The following TANGO2 variants were observed in gnomAD, a reference collection of about 807,000 sequenced individuals.
TANGO2 encodes the protein transport and Golgi organization protein 2 homolog.
A neutral mutation model predicts 39.1 loss-of-function variants in TANGO2; 26 were observed. That is an observed-to-expected ratio of 0.67 (90% confidence interval 0.49 to 0.92). The LOEUF (loss-of-function observed/expected upper bound fraction) is 0.92, where lower values mean the gene tolerates loss of function less well. Among genes scored for constraint, TANGO2 ranks in the 40% least tolerant of loss-of-function variants. TANGO2 has a pLI of 0.00. For missense variants in TANGO2, 326 were observed against 360.1 expected, an observed-to-expected ratio of 0.91 and a Z score of 0.77; for synonymous variants, 131 against 144.5, an observed-to-expected ratio of 0.91 and a Z score of 0.67.
intron 7 of TANGO2, chr22:20,063,113 A>G: frequency 2.0e-6 from 1 of 500,606 alleles, no homozygotes; most frequent in South Asian, 2.9e-5. Flanking sequence ...CCAAGATCGT[A>G]CCATTGCGCT....
At chr22:20,037,141 G>A (rs1168872712) in intron 2 of TANGO2, 2 of 1,497,782 alleles carry the variant, frequency 1.3e-6, no homozygotes, top group East Asian at 4.6e-5. Flanking sequence ...CAGTTCTATG[G>A]GCTTTGAGGA....
chr22:20,063,186 G>T, intron 7 of TANGO2, 152 bp from the exon 8 acceptor site: 1 of 606,978 alleles, frequency 1.6e-6, no homozygotes. Flanking sequence ...AAAGAGAAGA[G>T]AAGAGGAAAA....
chr22:20,049,579 G>C (rs1413040314), intron 3 of TANGO2, among the ~76,000 whole-genome samples: 2 of 150,958 alleles, frequency 1.3e-5, no homozygotes, highest in Non-Finnish European at 2.9e-5. Flanking sequence ...AGAATCACTT[G>C]AACCCGGGAG....
In TANGO2 at chr22:20,066,150, A is replaced by C. The variant is rs1239584427; in HGVS notation, c.*1488A>C. 1 of 152,238 alleles carries C rather than the reference A, an allele frequency of 6.6e-6. No individual in the cohort carries two copies. The highest frequency in any genetic ancestry group is 2.4e-5 in the African/African-American group (1 of 41,414). The allele number at this position is 152,238 out of a possible 1,614,324, so 9.4% of individuals were successfully genotyped here. A position where few individuals can be genotyped will look rare whatever the true frequency, so the allele number is the denominator to read the frequency against. On this transcript the variant is annotated 3_prime_UTR_variant, in exon 9 of 9. Transcript: ENST00000327374. ...GTAGATGCTGATTATGGGGCCAGCC[A>C]CCCATACAGGTCTATCAGGTCGCAA...
Position 20,064,824 on chromosome 22 carries a change from C to G in TANGO2, c.*162C>G. ...GTTTGCGTGTTACCCATCTGTGTCC[C>G]CATGCCCAGTTCAGGGTCTGCCTTT... is the stretch of plus-strand genomic sequence containing the variant. On this transcript the variant is annotated 3_prime_UTR_variant, in exon 9 of 9. Transcript: ENST00000327374. 1.1e-6 allele frequency: 1 copy of G among 883,126 alleles called. No homozygotes were observed. 54.7% of individuals were successfully genotyped at this position (883,126 alleles called of 1,614,324 possible).
At chr22:20,042,140 C>T (rs1435388526) in intron 2 of TANGO2, among the ~76,000 whole-genome samples, 1 of 148,640 alleles carries the variant, frequency 6.7e-6, no homozygotes, top group East Asian at 2.1e-4. Flanking sequence ...CACCACCACA[C>T]CTGACTAATT....
chr22:20,038,377 A>G (rs1420819340), intron 2 of TANGO2, among the ~76,000 whole-genome samples: 1 of 152,168 alleles, frequency 6.6e-6, no homozygotes, highest in African/African-American at 2.4e-5. Context: ...CCAGCTCTGT[A>G]TGCGTTTCAG....
chr22:20,025,439 G>A (rs117506927), intron 1 of TANGO2, among the ~76,000 whole-genome samples: 4,728 of 152,036 alleles, frequency 0.031, 133 homozygotes, highest in South Asian at 0.13. Flanking sequence ...CCGCCGGGAA[G>A]CATGCTTACT....
At chr22:20,062,033 C>G (rs932870593) in intron 7 of TANGO2, among the ~76,000 whole-genome samples, 7 of 152,228 alleles carry the variant, frequency 4.6e-5, no homozygotes, top group Non-Finnish European at 8.8e-5. Flanking sequence ...AGACACTCAG[C>G]AAACCCAGGC....
chr22:20,036,696 A>G (rs1392236991), intron 1 of TANGO2, 64 bp from the exon 2 acceptor site: 1 of 1,390,994 alleles, frequency 7.2e-7, no homozygotes, highest in Non-Finnish European at 1.0e-6. Context: ...GGCCTGTTGC[A>G]GGTTCGGAGG....
At chr22:20,026,494 C>T (rs994107919) in intron 1 of TANGO2, among the ~76,000 whole-genome samples, 1 of 152,052 alleles carries the variant, frequency 6.6e-6, no homozygotes, top group African/African-American at 2.4e-5. Context: ...TTTAGCAGGA[C>T]GGGACATGAC....
rs564148727 is a variant in TANGO2 at position 20,036,664 on chromosome 22, C to T, written c.-39-96C>T. 2.5e-4 allele frequency: 265 copies of T among 1,056,646 alleles called. 1 individual carries two copies. The highest frequency in any genetic ancestry group is 3.4e-4 in the Non-Finnish European group (233 of 694,566). 65.5% of individuals were successfully genotyped at this position (1,056,646 alleles called of 1,614,324 possible). On this transcript the variant is annotated intron_variant, in intron 1 of 8. Transcript: ENST00000327374. ...CACCCAGCAAGTAGTACAGACACCA[C>T]AGAGGTGGTTCTCTCTGTTCTGGCC...
intron 1 of TANGO2, among the ~76,000 whole-genome samples, chr22:20,023,274 G>C (rs995784393): frequency 3.4e-5 from 5 of 148,742 alleles, no homozygotes; most frequent in African/African-American, 1.3e-4. Flanking sequence ...TCCTCTTTGC[G>C]GGCATGGTAG....
chr22:20,040,839 G>A (rs1243179737), intron 2 of TANGO2, among the ~76,000 whole-genome samples: 1 of 152,178 alleles, frequency 6.6e-6, no homozygotes, highest in Non-Finnish European at 1.5e-5. Context: ...GGCAGTTAGA[G>A]GTACAAAGGC....
chr22:20,037,230 G>C (rs1029661736), intron 2 of TANGO2: 3 of 1,061,348 alleles, frequency 2.8e-6, no homozygotes, highest in Non-Finnish European at 4.0e-6. Flanking sequence ...CTGCTGGTGA[G>C]AAGTCAAAGT....
chr22:20,056,396 G>A (rs147797360), intron 6 of TANGO2: 3 of 484,246 alleles, frequency 6.2e-6, no homozygotes, highest in African/African-American at 1.9e-5. Context: ...GCTCCCTGAC[G>A]CACAAGTACA....
At chr22:20,052,090 C>T (rs924414159) in intron 3 of TANGO2, among the ~76,000 whole-genome samples, 70 of 152,316 alleles carry the variant, frequency 4.6e-4, no homozygotes, top group Non-Finnish European at 5.6e-4. Context: ...GTGCATCCTG[C>T]TGGGTGAGGA....
At chr22:20,058,712 A>G (rs1362143358) in intron 6 of TANGO2, among the ~76,000 whole-genome samples, 1 of 151,922 alleles carries the variant, frequency 6.6e-6, no homozygotes, top group East Asian at 1.9e-4. Flanking sequence ...TATTTGCCAT[A>G]TCAGTTTGCA....
intron 6 of TANGO2, chr22:20,056,718 G>C (rs1569324091): frequency 2.2e-6 from 1 of 456,608 alleles, no homozygotes. Context: ...CCCAGGTCTG[G>C]TGCCAGGACA....
Sources: allele counts gnomAD v4.1 joint callset (sites outside exome capture counted in the v4.1 genomes callset), GRCh38; gene constraint gnomAD v4.1.1; transcripts MANE v1.5; gene names NCBI Gene and HGNC (gene_info 2026-07-23, HGNC 2026-07-21).